The following GTSF1 variants were observed in gnomAD, a reference collection of about 807,000 sequenced individuals.
The protein encoded by GTSF1 is gametocyte-specific factor 1.
Under a neutral mutation model 28.9 loss-of-function variants are expected in GTSF1, and 11 were observed. That is an observed-to-expected ratio of 0.38 (90% CI 0.24 to 0.63). The LOEUF is 0.63. Among genes scored for constraint, GTSF1 ranks in the 30% least tolerant of loss-of-function variants. The pLI, the probability that GTSF1 is intolerant of heterozygous loss-of-function variation, is 0.56. For synonymous variants in GTSF1, 69 were observed against 65.6 expected, an observed-to-expected ratio of 1.05 and a Z score of -0.25; for missense variants, 146 against 201.0, an observed-to-expected ratio of 0.73 and a Z score of 1.66.
chr12:54,465,190 T>C, intron 2 of GTSF1, 23 bp from the exon 3 acceptor site: 1 of 1,537,846 alleles, frequency 6.5e-7, no homozygotes, highest in Middle Eastern at 1.7e-4. Flanking sequence ...AGTGTTTCAG[T>C]AGGTAAAACG....
chr12:54,462,787 G>T (rs1375931775), intron 4 of GTSF1, 62 bp from the exon 5 acceptor site: 2 of 1,333,712 alleles, frequency 1.5e-6, no homozygotes, highest in East Asian at 2.3e-5. Flanking sequence ...TGTTCAAAGG[G>T]GCTAGTAGCT....
chr12:54,459,563 C>T (rs1956388334), intron 7 of GTSF1: 4 of 689,374 alleles, frequency 5.8e-6, no homozygotes, highest in Non-Finnish European at 8.4e-6. Context: ...AAATTTAGTA[C>T]TTGTTTACCC....
chr12:54,461,089 C>A (rs73308569), intron 6 of GTSF1, among the ~76,000 whole-genome samples: 7 of 151,594 alleles, frequency 4.6e-5, no homozygotes, highest in Non-Finnish European at 5.9e-5. Flanking sequence ...TGAGAAATAG[C>A]TTCATTCATT....
chr12:54,463,586 C>T (rs533399323), intron 3 of GTSF1, among the ~76,000 whole-genome samples: 1 of 152,320 alleles, frequency 6.6e-6, no homozygotes, highest in African/African-American at 2.4e-5. Context: ...ATTGGAACGA[C>T]ATCTTTCCCC....
At chr12:54,461,133 A>G (rs569957968) in intron 6 of GTSF1, among the ~76,000 whole-genome samples, 1 of 152,174 alleles carries the variant, frequency 6.6e-6, no homozygotes, top group Non-Finnish European at 1.5e-5. Context: ...TCTTTCTGTC[A>G]CCCAGGCTGG....
At chr12:54,457,634 C>T (rs1956355828) in intron 8 of GTSF1, among the ~76,000 whole-genome samples, 1 of 152,126 alleles carries the variant, frequency 6.6e-6, no homozygotes. Flanking sequence ...GGCTAGAGTA[C>T]AGTGGCTATT....
chr12:54,463,453 G>T, intron 3 of GTSF1, 156 bp from the exon 4 acceptor site: 1 of 590,542 alleles, frequency 1.7e-6, no homozygotes, highest in Non-Finnish European at 2.9e-6. Flanking sequence ...AAACTAAGAG[G>T]GAATTATTTA....
At chr12:54,466,263 T>C (rs907225963) in intron 2 of GTSF1, among the ~76,000 whole-genome samples, 5 of 152,160 alleles carry the variant, frequency 3.3e-5, no homozygotes, top group African/African-American at 7.2e-5. Context: ...CTGAAGGCAA[T>C]GATAAAAGTG....
At chr12:54,473,445 G>A (rs1956613479) in intron 1 of GTSF1, 101 bp downstream of exon 1, 1 of 152,204 alleles carries the variant, frequency 6.6e-6, no homozygotes, top group Non-Finnish European at 1.5e-5. Context: ...CAAGGCTGAA[G>A]GCTACCAGCA....
chr12:54,465,273 C>A (rs1956493164), intron 2 of GTSF1, 106 bp from the exon 3 acceptor site: 3 of 620,578 alleles, frequency 4.8e-6, no homozygotes, highest in South Asian at 4.1e-5. Context: ...AATAATAGAA[C>A]AATATAGTCT....
At chr12:54,469,176 C>A (rs1956562175) in intron 2 of GTSF1, among the ~76,000 whole-genome samples, 1 of 151,944 alleles carries the variant, frequency 6.6e-6, no homozygotes, top group African/African-American at 2.4e-5. Flanking sequence ...CCTCCTGGGT[C>A]CAAGCAATTC....
At chr12:54,461,190 C>T (rs1176405072) in intron 6 of GTSF1, among the ~76,000 whole-genome samples, 2 of 152,004 alleles carry the variant, frequency 1.3e-5, no homozygotes, top group East Asian at 1.9e-4. Flanking sequence ...ACCTCCTGGG[C>T]TTAAATGATC....
intron 2 of GTSF1, chr12:54,466,749 T>C (rs1339722837): frequency 6.6e-6 from 1 of 151,900 alleles, no homozygotes; most frequent in Non-Finnish European, 1.5e-5. Flanking sequence ...TACTTCCTGG[T>C]CTCCAGCACT....
At chr12:54,464,989 T>C in intron 3 of GTSF1, 78 bp downstream of exon 3, 1 of 822,834 alleles carries the variant, frequency 1.2e-6, no homozygotes, top group Non-Finnish European at 2.0e-6. Flanking sequence ...TAAAACATGA[T>C]AAAATTATTT....
At chr12:54,459,665 T>C (rs1956389687) in intron 7 of GTSF1, 1 of 232,620 alleles carries the variant, frequency 4.3e-6, no homozygotes, top group African/African-American at 2.3e-5. Flanking sequence ...CTCTACTCAT[T>C]TCCTTTTAGG....
chr12:54,461,639 TA>T, intron 6 of GTSF1, among the ~76,000 whole-genome samples: 2 of 152,176 alleles, frequency 1.3e-5, no homozygotes, highest in Non-Finnish European at 1.5e-5. Context: ...TCCCTGTCTC[TA>T]AAAAAATAAA....
chr12:54,460,470 G>A lies in GTSF1; in HGVS notation c.394C>T (p.Pro132Ser). The A allele has an allele frequency of 6.2e-7, 1 of 1,610,954 alleles. No homozygotes were observed. Residue 132 changes from proline to serine, a missense_variant and splice_region_variant, in exon 7 of 9, where the codon CCT becomes TCT. Transcript: ENST00000305879. The stretch of plus-strand genomic sequence containing the variant: ...TGTTCTGTAACTATGTTGCTCGCAG[G>A]GCTGCAAAAAGATGAATTTGGCTAT... ...GTTHYSDNNS[P>S]ASNIVTEHKN...
intron 2 of GTSF1, among the ~76,000 whole-genome samples, chr12:54,465,788 G>A (rs968440600): frequency 2.0e-5 from 3 of 152,114 alleles, no homozygotes; most frequent in African/African-American, 7.2e-5. Flanking sequence ...ATGTTTTATG[G>A]AAGCTTGAAA....
chr12:54,462,599 G>A (rs200835579), intron 5 of GTSF1, 43 bp downstream of exon 5: 4 of 1,477,172 alleles, frequency 2.7e-6, no homozygotes, highest in East Asian at 4.5e-5. Flanking sequence ...CAAATGACTT[G>A]AGATTTAGAC....
Sources: gnomAD v4.1 joint callset for allele counts (sites outside exome capture counted in the v4.1 genomes callset) on GRCh38, gnomAD v4.1.1 for gene constraint, MANE v1.5 for transcripts, NCBI Gene and HGNC (gene_info 2026-07-23, HGNC 2026-07-21) for gene names.